The following CHD9 variants were observed in gnomAD, a reference collection of about 807,000 sequenced individuals.
The protein encoded by CHD9 is chromodomain helicase DNA binding protein 9.
In CHD9, 77 loss-of-function variants were observed where a neutral mutation model predicts 316.1. The observed-to-expected ratio is 0.24, with a 90% confidence interval of 0.20 to 0.29. The LOEUF (loss-of-function observed/expected upper bound fraction) is 0.29, where lower values mean the gene tolerates loss of function less well. CHD9 is among the 10% of genes least tolerant of loss of function. CHD9 has a pLI of 1.00. For synonymous variants in CHD9, 1,129 were observed against 1,158.3 expected, an observed-to-expected ratio of 0.97 and a Z score of 0.51; for missense variants, 2,763 against 3,438.1, an observed-to-expected ratio of 0.80 and a Z score of 4.91.
At position 53,303,631 on chromosome 16, in the gene CHD9, TATAA is replaced by T. The variant is rs2055654830; in HGVS notation, c.5714-85_5714-82del. ...AGGCACATTTTAGAAATGGTATTGT[TATAA>T]ATATATAAAGATGTATTTATAATGA... On this transcript the variant is annotated intron_variant, in intron 30 of 38. Transcript: ENST00000447540. 6 of 968,856 alleles carry T rather than the reference TATAA, an allele frequency of 6.2e-6. No individual in the cohort carries two copies. The Middle Eastern group carries it at 1.0e-3, about 166-fold the overall frequency. The allele number at this position is 968,856 out of a possible 1,614,324, so 60.0% of individuals were successfully genotyped here. A position where few individuals can be genotyped will look rare whatever the true frequency, so the allele number is the denominator to read the frequency against.
chr16:53,305,093 G>A (rs892203115), intron 31 of CHD9, among the ~76,000 whole-genome samples: 13 of 148,450 alleles, frequency 8.8e-5, no homozygotes, highest in Middle Eastern at 3.6e-3. Context: ...ACGGAGTCTC[G>A]CTCTGTCGCC....
At chr16:53,075,558 A>G (rs1368487150) in intron 1 of CHD9, among the ~76,000 whole-genome samples, 1 of 152,102 alleles carries the variant, frequency 6.6e-6, no homozygotes, top group Non-Finnish European at 1.5e-5. Context: ...GGTTTCCCCC[A>G]TACTGTTCTC....
intron 2 of CHD9, among the ~76,000 whole-genome samples, chr16:53,190,710 C>G (rs2044408767): frequency 6.6e-6 from 1 of 152,020 alleles, no homozygotes; most frequent in Non-Finnish European, 1.5e-5. Context: ...CCCAGAGAGT[C>G]TGTTTTTTGT....
intron 1 of CHD9, among the ~76,000 whole-genome samples, chr16:53,066,746 G>A (rs778480660): frequency 2.0e-5 from 3 of 152,118 alleles, no homozygotes; most frequent in Non-Finnish European, 4.4e-5. Flanking sequence ...CAGCAGTCAG[G>A]GACAGAGAGG....
At chr16:53,288,512 G>A (rs2032103019) in intron 27 of CHD9, among the ~76,000 whole-genome samples, 2 of 152,178 alleles carry the variant, frequency 1.3e-5, no homozygotes. Flanking sequence ...TGGGGAAAAG[G>A]ATTTTAAAAG....
chr16:53,222,340 G>A (rs1241203080), intron 3 of CHD9, among the ~76,000 whole-genome samples: 1 of 152,134 alleles, frequency 6.6e-6, no homozygotes, highest in Non-Finnish European at 1.5e-5. Flanking sequence ...CCAAAGCACT[G>A]GGATTACAGG....
At chr16:53,287,902 A>G in intron 26 of CHD9, 55 bp from the exon 27 acceptor site, 1 of 1,355,978 alleles carries the variant, frequency 7.4e-7, no homozygotes, top group East Asian at 2.3e-5. Flanking sequence ...TTGTCCTATC[A>G]AGTGAAATCT....
chr16:53,283,130 G>A (rs1469304273), intron 24 of CHD9, among the ~76,000 whole-genome samples: 1 of 151,866 alleles, frequency 6.6e-6, no homozygotes, highest in African/African-American at 2.4e-5. Context: ...TCCTCTTCCT[G>A]CTCAGCCAAC....
chr16:53,128,868 C>G (rs1432511991), intron 1 of CHD9, among the ~76,000 whole-genome samples: 3 of 152,062 alleles, frequency 2.0e-5, no homozygotes, highest in Non-Finnish European at 4.4e-5. Flanking sequence ...ACCTGAGAGT[C>G]TAAGCTAATA....
chr16:53,127,110 A>G lies in CHD9; in HGVS notation c.-164-28816A>G, dbSNP rs570590581. ...GCTGGGACTACAGGAACATGCCACC[A>G]TGCCCAGCGAATTTTTCTCTTTCTA... On this transcript the variant is annotated intron_variant, in intron 1 of 38. Coordinates refer to ENST00000447540, the MANE Select transcript of CHD9 (RefSeq NM_001308319.2). 2.0e-5 allele frequency among the ~76,000 whole-genome samples: 3 copies of G among 152,212 alleles called. No individual in the cohort carries two copies. In the East Asian group the frequency reaches 5.8e-4, roughly 29 times the overall value.
intron 1 of CHD9, among the ~76,000 whole-genome samples, chr16:53,091,534 T>C (rs562147235): frequency 1.3e-5 from 2 of 152,336 alleles, no homozygotes; most frequent in South Asian, 2.1e-4. Context: ...CGTCTCCTTT[T>C]GCTCATCCCA....
At chr16:53,254,152 G>C (rs1033101098) in intron 17 of CHD9, among the ~76,000 whole-genome samples, 2 of 152,092 alleles carry the variant, frequency 1.3e-5, no homozygotes, top group East Asian at 1.9e-4. Context: ...ACTCCAGCTG[G>C]GGTGACAGAG....
intron 20 of CHD9, among the ~76,000 whole-genome samples, chr16:53,263,569 T>C (rs1400889074): frequency 6.6e-6 from 1 of 152,120 alleles, no homozygotes; most frequent in Admixed American, 6.6e-5. Context: ...GAACTGATAA[T>C]AATAGCATAA....
At chr16:53,108,339 AAAAAATAC>A (rs1468031460) in intron 1 of CHD9, among the ~76,000 whole-genome samples, 1 of 80,706 alleles carries the variant, frequency 1.2e-5, no homozygotes, top group Non-Finnish European at 3.8e-5. Context: ...CCATCTCTAC[AAAAAATAC>A]AAAAAAATTT....
At chr16:53,315,408 C>T (rs1402091783) in intron 36 of CHD9, among the ~76,000 whole-genome samples, 1 of 152,176 alleles carries the variant, frequency 6.6e-6, no homozygotes, top group Non-Finnish European at 1.5e-5. Context: ...TGCAGTTATG[C>T]TGACATACTT....
At chr16:53,115,425 T>C (rs1164969449) in intron 1 of CHD9, among the ~76,000 whole-genome samples, 1 of 152,246 alleles carries the variant, frequency 6.6e-6, no homozygotes, top group Admixed American at 6.5e-5. Context: ...TTTTTAAGTT[T>C]CCTGGGAGAT....
At chr16:53,302,250 A>G (rs528141097) in intron 30 of CHD9, among the ~76,000 whole-genome samples, 3 of 152,320 alleles carry the variant, frequency 2.0e-5, no homozygotes, top group South Asian at 2.1e-4. Flanking sequence ...GCTTCCTGCA[A>G]TCCGTAACAG....
At chr16:53,057,479 C>G (rs1596826616) in intron 1 of CHD9, among the ~76,000 whole-genome samples, 1 of 151,894 alleles carries the variant, frequency 6.6e-6, no homozygotes, top group Non-Finnish European at 1.5e-5. Context: ...ATGGCAAAAC[C>G]CCGTCTCTAC....
intron 1 of CHD9, among the ~76,000 whole-genome samples, chr16:53,062,464 A>G (rs2033017231): frequency 6.6e-6 from 1 of 152,222 alleles, no homozygotes; most frequent in African/African-American, 2.4e-5. Flanking sequence ...ATAATAGGCC[A>G]GGTGCAGTGG....
Sources: gnomAD v4.1 joint callset for allele counts (sites outside exome capture counted in the v4.1 genomes callset) on GRCh38, gnomAD v4.1.1 for gene constraint, MANE v1.5 for transcripts, NCBI Gene and HGNC (gene_info 2026-07-23, HGNC 2026-07-21) for gene names.